GRM5: variants seen among roughly 807,000 people sequenced by gnomAD.
GRM5 encodes glutamate metabotropic receptor 5, also known as metabotropic glutamate receptor 5.
Under a neutral mutation model 83.1 loss-of-function variants are expected in GRM5, and 19 were observed. The observed-to-expected ratio is 0.23, with a 90% confidence interval of 0.16 to 0.34. GRM5 has a LOEUF of 0.34. GRM5 is among the 10% of genes least tolerant of loss of function. GRM5 has a pLI of 1.00. For synonymous variants in GRM5, 675 were observed against 633.6 expected, an observed-to-expected ratio of 1.07 and a Z score of -0.98; for missense variants, 1,160 against 1,588.3, an observed-to-expected ratio of 0.73 and a Z score of 4.58.
chr11:88,735,130 T>C (rs560640474), intron 3 of GRM5, among the ~76,000 whole-genome samples: 1 of 152,198 alleles, frequency 6.6e-6, no homozygotes, highest in Non-Finnish European at 1.5e-5. Context: ...AATCATCTTA[T>C]ATAACTCGAA....
intron 3 of GRM5, among the ~76,000 whole-genome samples, chr11:88,830,505 C>T (rs1590892198): frequency 6.6e-6 from 1 of 152,136 alleles, no homozygotes; most frequent in East Asian, 1.9e-4. Flanking sequence ...TAACAGAAAA[C>T]ACCTAAGGCA....
chr11:88,802,421 A>T (rs1356897754), intron 3 of GRM5, among the ~76,000 whole-genome samples: 1 of 152,220 alleles, frequency 6.6e-6, no homozygotes, highest in African/African-American at 2.4e-5. Context: ...TCATTATAAT[A>T]AATGAAACAA....
intron 2 of GRM5, among the ~76,000 whole-genome samples, chr11:89,034,787 G>C (rs1229871067): frequency 6.7e-6 from 1 of 149,520 alleles, no homozygotes; most frequent in Non-Finnish European, 1.5e-5. Context: ...ACAAGTTTTA[G>C]GTTATTTTTA....
At chr11:88,942,361 C>A (rs185983507) in intron 2 of GRM5, among the ~76,000 whole-genome samples, 1 of 152,102 alleles carries the variant, frequency 6.6e-6, no homozygotes, top group East Asian at 1.9e-4. Context: ...TTGTACCATT[C>A]TTTCAACTTT....
rs545301755 is a variant in GRM5 at position 88,839,344 on chromosome 11, T to C, written c.911+10562A>G. ...TTCCAATGAGCTACCTTCCTTAATT[T>C]ATAAAGTTTTTAGAAATCAATAAGG... On this transcript the variant is annotated intron_variant, in intron 3 of 9. Transcript: ENST00000305447. Among the ~76,000 whole-genome samples, 33 of 152,326 alleles carry C rather than the reference T, an allele frequency of 2.2e-4. 1 individual carries two copies. The South Asian group carries it at 6.4e-3, about 30-fold the overall frequency.
At chr11:89,002,894 C>A (rs1428367596) in intron 2 of GRM5, among the ~76,000 whole-genome samples, 1 of 151,972 alleles carries the variant, frequency 6.6e-6, no homozygotes, top group Non-Finnish European at 1.5e-5. Context: ...TAAGGCTCAC[C>A]CAGAGAACCT....
chr11:88,928,766 T>C (rs931818713), intron 2 of GRM5, among the ~76,000 whole-genome samples: 2 of 152,024 alleles, frequency 1.3e-5, no homozygotes, highest in African/African-American at 4.8e-5. Context: ...ATTTTATGTT[T>C]TAATTTATAA....
rs145151454 is a variant in GRM5, at chr11:88,723,593, A to C, written c.912-70190T>G. On this transcript the variant is annotated intron_variant, in intron 3 of 9. Coordinates refer to ENST00000305447, the MANE Select transcript of GRM5 (RefSeq NM_001143831.3). ...ACTATGGAAGAGGTCATTAAGCTAC[A>C]TGAGTTCTACAAAAGATGTGGGAAA... Among the ~76,000 whole-genome samples, 3 of 152,128 alleles carry C rather than the reference A, an allele frequency of 2.0e-5. No homozygotes were observed. The East Asian group carries it at 5.8e-4, about 29-fold the overall frequency.
intron 2 of GRM5, among the ~76,000 whole-genome samples, chr11:89,017,980 C>T (rs1940900842): frequency 6.6e-6 from 1 of 152,070 alleles, no homozygotes; most frequent in South Asian, 2.1e-4. Context: ...ATATCCACTG[C>T]TTGGCACATG....
chr11:88,856,593 G>A (rs1313989402), intron 2 of GRM5, among the ~76,000 whole-genome samples: 1 of 151,976 alleles, frequency 6.6e-6, no homozygotes, highest in African/African-American at 2.4e-5. Flanking sequence ...TAAAAATATA[G>A]TATAGTTAAT....
chr11:88,965,297 G>T (rs1591002820), intron 2 of GRM5, among the ~76,000 whole-genome samples: 1 of 152,062 alleles, frequency 6.6e-6, no homozygotes, highest in South Asian at 2.1e-4. Flanking sequence ...CTCTTGCAAG[G>T]TTGCAGACTT....
intron 8 of GRM5, among the ~76,000 whole-genome samples, chr11:88,562,395 A>G (rs1473587014): frequency 6.6e-6 from 1 of 152,138 alleles, no homozygotes; most frequent in Non-Finnish European, 1.5e-5. Context: ...GTCATGAAAC[A>G]ATAGGCAAGT....
chr11:88,538,972 C>CA (rs1455217720), intron 8 of GRM5, among the ~76,000 whole-genome samples: 1 of 152,182 alleles, frequency 6.6e-6, no homozygotes, highest in African/African-American at 2.4e-5. Flanking sequence ...TACTATTTTT[C>CA]AAACCTTATC....
Position 88,509,192 on chromosome 11 carries a change from G to C in GRM5, c.3039C>G (p.Pro1013=). The C allele has an allele frequency of 6.5e-7, 1 of 1,534,180 alleles. No individual in the cohort carries two copies. The highest frequency in any genetic ancestry group is 8.7e-7 in the Non-Finnish European group (1 of 1,142,862). The change falls in exon 10 of 10, where the codon CCC becomes CCG. Residue 1013 remains proline, a synonymous_variant. Transcript: ENST00000305447. ...TGGGCGACGGTGAGCGCGGCCGCGC[G>C]GGCGCCGGGAAGTGCTCCTCAGCCT... ...VAEAEEHFPA[P]ARPRSPSPIS...
At chr11:88,526,479 C>G (rs1326799259) in intron 8 of GRM5, among the ~76,000 whole-genome samples, 1 of 152,152 alleles carries the variant, frequency 6.6e-6, no homozygotes, top group Admixed American at 6.5e-5. Flanking sequence ...CTTGCAGGGG[C>G]CCAGAGCTCT....
chr11:88,813,496 A>G (rs1321309993), intron 3 of GRM5, among the ~76,000 whole-genome samples: 4 of 152,198 alleles, frequency 2.6e-5, no homozygotes, highest in Admixed American at 2.0e-4. Context: ...AAGAATGCCA[A>G]TGAAAATTCT....
chr11:88,744,292 A>G (rs1942087380), intron 3 of GRM5, among the ~76,000 whole-genome samples: 1 of 152,202 alleles, frequency 6.6e-6, no homozygotes, highest in Admixed American at 6.5e-5. Context: ...TAATAGCAAT[A>G]CATTACAAAC....
chr11:88,884,491 T>A (rs1487193809), intron 2 of GRM5, among the ~76,000 whole-genome samples: 2 of 152,284 alleles, frequency 1.3e-5, no homozygotes, highest in East Asian at 3.9e-4. Flanking sequence ...TGTGGGCTTT[T>A]TAGTTAATGC....
intron 2 of GRM5, among the ~76,000 whole-genome samples, chr11:89,026,152 G>A (rs906967417): frequency 1.3e-5 from 2 of 152,058 alleles, no homozygotes; most frequent in Non-Finnish European, 2.9e-5. Context: ...TAGACCCTGG[G>A]GACTACTTGA....
Sources: allele counts gnomAD v4.1 joint callset (sites outside exome capture counted in the v4.1 genomes callset), GRCh38; gene constraint gnomAD v4.1.1; transcripts MANE v1.5; gene names NCBI Gene and HGNC (gene_info 2026-07-23, HGNC 2026-07-21).